Variants in UBAP2 observed in about 807,000 individuals in gnomAD.
The protein encoded by UBAP2 is ubiquitin associated protein 2.
Under a neutral mutation model 139.6 loss-of-function variants are expected in UBAP2, and 75 were observed. That is an observed-to-expected ratio of 0.54 (90% CI 0.45 to 0.65). The LOEUF (loss-of-function observed/expected upper bound fraction) is 0.65, where lower values mean the gene tolerates loss of function less well. Ranked by LOEUF, UBAP2 falls within the 30% of genes least tolerant of loss-of-function variation. The pLI, the probability that UBAP2 is intolerant of heterozygous loss-of-function variation, is 0.00. For synonymous variants in UBAP2, 526 were observed against 526.2 expected, an observed-to-expected ratio of 1.00 and a Z score of 0.01; for missense variants, 1,368 against 1,369.6, an observed-to-expected ratio of 1.00 and a Z score of 0.02.
intron 16 of UBAP2, chr9:33,938,875 G>T (rs1365619954): frequency 2.2e-6 from 1 of 454,850 alleles, no homozygotes; most frequent in Non-Finnish European, 4.4e-6. Flanking sequence ...CATCTGTCAG[G>T]ATATAGACTC....
chr9:34,004,644 C>T (rs1238335286), intron 2 of UBAP2, among the ~76,000 whole-genome samples: 1 of 151,598 alleles, frequency 6.6e-6, no homozygotes, highest in East Asian at 2.0e-4. Flanking sequence ...ATTAGCCGAG[C>T]GTGGTGGCGG....
At position 33,984,656 on chromosome 9, in the gene UBAP2, C is replaced by G. The variant is rs542888214; in HGVS notation, c.520+2104G>C. Among the ~76,000 whole-genome samples, 5 of 150,562 alleles carry G rather than the reference C, an allele frequency of 3.3e-5. No individual in the cohort carries two copies. The South Asian group carries it at 1.1e-3, about 32-fold the overall frequency. ...TCATGCCACTGCACTCCAGCCTGGG[C>G]AACAGAGTGAGACACTGTCTCTTAA... On this transcript the variant is annotated intron_variant, in intron 6 of 28. Transcript: ENST00000379238.
intron 12 of UBAP2, among the ~76,000 whole-genome samples, chr9:33,951,049 A>G: frequency 6.6e-6 from 1 of 152,150 alleles, no homozygotes; most frequent in East Asian, 1.9e-4. Context: ...TATTATTTGG[A>G]GACAAGGTAT....
chr9:33,940,598 G>A (rs952286375), intron 16 of UBAP2, among the ~76,000 whole-genome samples: 2 of 152,194 alleles, frequency 1.3e-5, no homozygotes, highest in African/African-American at 4.8e-5. Flanking sequence ...GGGCAACATG[G>A]TGATACCCCG....
intron 6 of UBAP2, among the ~76,000 whole-genome samples, chr9:33,984,507 A>AT (rs200223875): frequency 0.021 from 3,084 of 148,108 alleles, 106 homozygotes; most frequent in African/African-American, 0.071. Context: ...TTAAAAAAAA[A>AT]ATTTTTTTTT....
chr9:34,039,170 C>T (rs1158833822), intron 1 of UBAP2, among the ~76,000 whole-genome samples: 13 of 150,974 alleles, frequency 8.6e-5, no homozygotes, highest in East Asian at 3.9e-4. Context: ...CCCAGCCAGC[C>T]GCCCCTTCCG....
At position 33,953,594 on chromosome 9, in the gene UBAP2, G is replaced by T. The variant is rs1826286640; in HGVS notation, c.867-120C>A. On this transcript the variant is annotated intron_variant, in intron 11 of 28. Coordinates refer to ENST00000379238, the MANE Select transcript of UBAP2 (RefSeq NM_001370062.2). ...AAAAATCAAATGAGGAGAACCTTTG[G>T]AAAATGGGGTTTAAGGGGGCAAAAG... 1.1e-5 allele frequency: 12 copies of T among 1,069,480 alleles called. No individual in the cohort carries two copies. The South Asian group carries it at 1.7e-4, about 16-fold the overall frequency. The allele number at this position is 1,069,480 out of a possible 1,614,324, so 66.2% of individuals were successfully genotyped here. A position where few individuals can be genotyped will look rare whatever the true frequency, so the allele number is the denominator to read the frequency against.
rs754551233 is a variant in UBAP2, at chr9:33,922,789, T to C, written c.3162A>G (p.Gly1054=). The change falls in exon 28 of 29, where the codon GGA becomes GGG. Residue 1054 remains glycine, a synonymous_variant. Transcript: ENST00000379238. ...VLGSTGPLAS[G]AAPGYAPPPF... ...GTGGGGGTGCATAGCCAGGGGCCGC[T>C]CCCGAGGCCAGGGGCCCAGTGGAGC... is the stretch of plus-strand genomic sequence containing the variant. The C allele has an allele frequency of 1.9e-6, 3 of 1,561,066 alleles. No homozygotes were observed. In the South Asian group the frequency reaches 3.6e-5, roughly 19 times the overall value.
chr9:33,995,863 T>C (rs907913025), intron 4 of UBAP2: 1 of 160,190 alleles, frequency 6.2e-6, no homozygotes, highest in African/African-American at 2.4e-5. Flanking sequence ...TCTGTTATAA[T>C]AGAGATGTAA....
intron 12 of UBAP2, among the ~76,000 whole-genome samples, chr9:33,950,082 T>C (rs1201509965): frequency 2.0e-5 from 3 of 152,142 alleles, no homozygotes; most frequent in Non-Finnish European, 4.4e-5. Flanking sequence ...CTTTTTTCTT[T>C]TTTGAGACAG....
chr9:33,947,153 A>G (rs1275433643), intron 13 of UBAP2, among the ~76,000 whole-genome samples: 1 of 152,200 alleles, frequency 6.6e-6, no homozygotes, highest in Non-Finnish European at 1.5e-5. Context: ...TTGGGCACTG[A>G]GTCTCTAATG....
In UBAP2 at chr9:33,958,594, G is replaced by C. The variant is rs569799213; in HGVS notation, c.798+2232C>G. Among the ~76,000 whole-genome samples the C allele has an allele frequency of 1.7e-4, 26 of 151,276 alleles. 1 individual carries two copies. The highest frequency in any genetic ancestry group is 6.1e-4 in the African/African-American group (25 of 41,250). On this transcript the variant is annotated intron_variant, in intron 10 of 28. Coordinates refer to ENST00000379238, the MANE Select transcript of UBAP2 (RefSeq NM_001370062.2). ...GGCTAATTTTTGTATTTTTAGTAGAGACACGGTTTCACCACGTTGGCCAGG... is the reference window on the plus strand; with the variant it reads ...GGCTAATTTTTGTATTTTTAGTAGACACACGGTTTCACCACGTTGGCCAGG...
intron 8 of UBAP2, among the ~76,000 whole-genome samples, chr9:33,967,400 G>A (rs1827552938): frequency 1.3e-5 from 2 of 152,154 alleles, no homozygotes; most frequent in Non-Finnish European, 1.5e-5. Flanking sequence ...TTGTTCCAGA[G>A]GAAAACCATT....
intron 1 of UBAP2, among the ~76,000 whole-genome samples, chr9:34,028,743 A>ATGTAAT: frequency 6.6e-6 from 1 of 151,938 alleles, no homozygotes; most frequent in South Asian, 2.1e-4. Flanking sequence ...CTTGAAAAGC[A>ATGTAAT]TGTAATTATT....
rs10971833 is a variant in UBAP2, at chr9:33,988,708, A to T, written c.442+265T>A. ...CCCAGGTCAATGCTGATACGAAACCACATGGGAGGCGCTTATGAAACTACT... is the reference window on the plus strand; with the variant it reads ...CCCAGGTCAATGCTGATACGAAACCTCATGGGAGGCGCTTATGAAACTACT... On this transcript the variant is annotated intron_variant, in intron 5 of 28. Coordinates refer to ENST00000379238, the MANE Select transcript of UBAP2 (RefSeq NM_001370062.2). Among the ~76,000 whole-genome samples the T allele has an allele frequency of 5.2e-4, 79 of 152,284 alleles. 1 individual carries two copies. The East Asian group carries it at 5.8e-3, about 11-fold the overall frequency.
intron 1 of UBAP2, among the ~76,000 whole-genome samples, chr9:34,038,332 A>G (rs1280221842): frequency 6.6e-6 from 1 of 152,122 alleles, no homozygotes; most frequent in African/African-American, 2.4e-5. Flanking sequence ...TCTGATGCCA[A>G]GCCAAAGCTG....
At chr9:33,989,426 C>T (rs1192363149) in intron 4 of UBAP2, among the ~76,000 whole-genome samples, 1 of 152,176 alleles carries the variant, frequency 6.6e-6, no homozygotes, top group Non-Finnish European at 1.5e-5. Context: ...TGGTCTCGAT[C>T]TCCTGACCTC....
At chr9:34,016,926 T>C in intron 2 of UBAP2, 124 bp downstream of exon 2, 5 of 691,536 alleles carry the variant, frequency 7.2e-6, no homozygotes, top group South Asian at 2.3e-5. Flanking sequence ...TTAAATCATA[T>C]GCTCTCCCTT....
intron 13 of UBAP2, 134 bp from the exon 14 acceptor site, chr9:33,944,773 G>A (rs1438196271): frequency 1.0e-6 from 1 of 1,003,176 alleles, no homozygotes. Context: ...CACACACTAT[G>A]TGTAACACTT....
Sources: gnomAD v4.1 joint callset for allele counts (sites outside exome capture counted in the v4.1 genomes callset) on GRCh38, gnomAD v4.1.1 for gene constraint, MANE v1.5 for transcripts, NCBI Gene and HGNC (gene_info 2026-07-23, HGNC 2026-07-21) for gene names.